ERP44: variants seen among roughly 807,000 people sequenced by gnomAD.
ERP44 encodes the protein endoplasmic reticulum resident protein 44.
A neutral mutation model predicts 53.4 loss-of-function variants in ERP44; 25 were observed. The ratio of observed to expected loss-of-function variants is 0.47; its 90% CI spans 0.34 to 0.65. ERP44 has a LOEUF of 0.65. Among genes scored for constraint, ERP44 ranks in the 30% least tolerant of loss-of-function variants. The pLI, the probability that ERP44 is intolerant of heterozygous loss-of-function variation, is 0.01. For synonymous variants in ERP44, 145 were observed against 161.2 expected, an observed-to-expected ratio of 0.90 and a Z score of 0.76; for missense variants, 338 against 493.2, an observed-to-expected ratio of 0.69 and a Z score of 2.98.
intron 10 of ERP44, among the ~76,000 whole-genome samples, chr9:99,989,899 C>T (rs530010433): frequency 2.0e-5 from 3 of 152,144 alleles, no homozygotes; most frequent in South Asian, 4.1e-4. Flanking sequence ...GTAGCCGATT[C>T]GATCCAGTGG....
chr9:100,065,004 T>C (rs1020431295), intron 1 of ERP44, among the ~76,000 whole-genome samples: 2 of 152,148 alleles, frequency 1.3e-5, no homozygotes, highest in Non-Finnish European at 2.9e-5. Flanking sequence ...AAAAAAGATA[T>C]TTTAAAATAC....
intron 1 of ERP44, among the ~76,000 whole-genome samples, chr9:100,080,201 C>G (rs749903141): frequency 3.3e-5 from 5 of 152,114 alleles, no homozygotes; most frequent in Non-Finnish European, 5.9e-5. Context: ...TTAACAGCAT[C>G]CCCGGCAGAA....
intron 1 of ERP44, among the ~76,000 whole-genome samples, chr9:100,064,927 A>G (rs1367923195): frequency 1.3e-5 from 2 of 152,262 alleles, no homozygotes; most frequent in Non-Finnish European, 2.9e-5. Flanking sequence ...CCTCCATATT[A>G]TAACAAAAGA....
chr9:100,064,721 A>C (rs925510842), intron 1 of ERP44, among the ~76,000 whole-genome samples: 3 of 152,236 alleles, frequency 2.0e-5, no homozygotes, highest in African/African-American at 7.2e-5. Context: ...ATTATAATGA[A>C]GCTGAAAAAT....
intron 1 of ERP44, among the ~76,000 whole-genome samples, chr9:100,074,987 G>A (rs1826340711): frequency 6.6e-6 from 1 of 152,188 alleles, no homozygotes; most frequent in Non-Finnish European, 1.5e-5. Context: ...GGTAGGGTGA[G>A]GGCGATGATG....
chr9:100,072,389 A>G (rs1376178979), intron 1 of ERP44, among the ~76,000 whole-genome samples: 3 of 152,166 alleles, frequency 2.0e-5, no homozygotes, highest in African/African-American at 7.2e-5. Flanking sequence ...CATTGGCACA[A>G]TTAGGAATAT....
intron 4 of ERP44, among the ~76,000 whole-genome samples, chr9:100,029,455 C>T (rs1346423869): frequency 6.6e-6 from 1 of 152,102 alleles, no homozygotes; most frequent in African/African-American, 2.4e-5. Context: ...ACATACAAAT[C>T]GAAACCACAA....
chr9:100,029,331 A>T (rs1825749117), intron 4 of ERP44, among the ~76,000 whole-genome samples: 1 of 152,250 alleles, frequency 6.6e-6, no homozygotes, highest in African/African-American at 2.4e-5. Flanking sequence ...CAACAACGAC[A>T]ACAAAATCCT....
intron 1 of ERP44, among the ~76,000 whole-genome samples, chr9:100,093,270 T>A (rs1194802590): frequency 6.6e-6 from 1 of 152,222 alleles, no homozygotes; most frequent in East Asian, 1.9e-4. Flanking sequence ...TATGACTGAA[T>A]TCACATATGG....
At chr9:99,989,894 C>T (rs547721851) in intron 10 of ERP44, among the ~76,000 whole-genome samples, 89 of 152,028 alleles carry the variant, frequency 5.9e-4, no homozygotes, top group African/African-American at 1.9e-3. Flanking sequence ...CTACAGTAGC[C>T]GATTCGATCC....
intron 5 of ERP44, 88 bp downstream of exon 5, chr9:100,021,954 G>A: frequency 1.7e-6 from 2 of 1,195,468 alleles, no homozygotes; most frequent in South Asian, 1.4e-5. Flanking sequence ...ATAGACTATA[G>A]GAGAATGTCC....
At chr9:100,054,690 C>T (rs1023760663) in intron 3 of ERP44, among the ~76,000 whole-genome samples, 1 of 152,058 alleles carries the variant, frequency 6.6e-6, no homozygotes, top group Non-Finnish European at 1.5e-5. Context: ...GCAAACATTA[C>T]CAAATCTGAA....
At chr9:100,012,255 A>G (rs915533499) in intron 8 of ERP44, among the ~76,000 whole-genome samples, 23 of 152,224 alleles carry the variant, frequency 1.5e-4, no homozygotes, top group African/African-American at 4.8e-4. Context: ...ATGAATTTGC[A>G]TATCTATTGC....
intron 4 of ERP44, among the ~76,000 whole-genome samples, chr9:100,031,557 T>G (rs959150765): frequency 2.0e-5 from 3 of 152,190 alleles, no homozygotes; most frequent in African/African-American, 7.2e-5. Flanking sequence ...TCCCTCCCTC[T>G]CCACGAACCA....
chr9:99,993,263 A>G lies in ERP44; in HGVS notation c.1017-8194T>C, dbSNP rs149126140. The stretch of plus-strand genomic sequence containing the variant: ...ATCACGCTACCTGACTTCAAACTAT[A>G]CTACAAGGCTACAGTAACCAAAACA... On this transcript the variant is annotated intron_variant, in intron 10 of 11. Transcript: ENST00000262455. Among the ~76,000 whole-genome samples the G allele has an allele frequency of 8.8e-3, 1,340 of 152,324 alleles. 9 individuals carry two copies. Among genetic ancestry groups the G allele is most frequent in the Admixed American group, 0.011 (176 of 15,308 alleles).
chr9:100,025,300 G>A (rs1186457779), intron 4 of ERP44, among the ~76,000 whole-genome samples: 7 of 151,976 alleles, frequency 4.6e-5, no homozygotes, highest in African/African-American at 7.3e-5. Context: ...TAATCTTCAC[G>A]GGAATCCTGA....
intron 1 of ERP44, among the ~76,000 whole-genome samples, chr9:100,090,076 C>A (rs1291377426): frequency 6.6e-6 from 1 of 152,132 alleles, no homozygotes; most frequent in Admixed American, 6.5e-5. Flanking sequence ...ATATCCACTC[C>A]TACAGTAAAA....
intron 1 of ERP44, among the ~76,000 whole-genome samples, chr9:100,085,101 G>A (rs1398597089): frequency 1.3e-5 from 2 of 152,154 alleles, no homozygotes; most frequent in South Asian, 2.1e-4. Context: ...CTGAGGGCTC[G>A]GTTATTATAT....
At chr9:100,011,501 T>C (rs545658891) in intron 8 of ERP44, among the ~76,000 whole-genome samples, 137 of 152,184 alleles carry the variant, frequency 9.0e-4, no homozygotes, top group Non-Finnish European at 1.6e-3. Context: ...GAAAATGTCT[T>C]ACTTTGCCTT....
Sources: gnomAD v4.1 joint callset for allele counts (sites outside exome capture counted in the v4.1 genomes callset) on GRCh38, gnomAD v4.1.1 for gene constraint, MANE v1.5 for transcripts, NCBI Gene and HGNC (gene_info 2026-07-23, HGNC 2026-07-21) for gene names.